Variants in LMNTD1 observed in about 807,000 individuals in gnomAD.
The protein encoded by LMNTD1 is lamin tail domain-containing protein 1.
Under a neutral mutation model 50.9 loss-of-function variants are expected in LMNTD1, and 35 were observed. That is an observed-to-expected ratio of 0.69 (90% CI 0.53 to 0.91). The LOEUF is 0.91. Ranked by LOEUF, LMNTD1 falls within the 40% of genes least tolerant of loss-of-function variation. The pLI is 0.00. For missense variants in LMNTD1, 470 were observed against 475.5 expected, an observed-to-expected ratio of 0.99 and a Z score of 0.11; for synonymous variants, 153 against 161.9, an observed-to-expected ratio of 0.94 and a Z score of 0.42.
intron 1 of LMNTD1, among the ~76,000 whole-genome samples, chr12:25,640,523 A>C (rs900121824): frequency 6.6e-6 from 1 of 152,056 alleles, no homozygotes; most frequent in African/African-American, 2.4e-5. Flanking sequence ...AAAAAATCTA[A>C]AATTATATTG....
chr12:25,522,778 C>A (rs1263985615), intron 6 of LMNTD1, among the ~76,000 whole-genome samples: 1 of 151,646 alleles, frequency 6.6e-6, no homozygotes, highest in East Asian at 1.9e-4. Flanking sequence ...CAAACCTGTC[C>A]CTGCTTTAAA....
intron 1 of LMNTD1, among the ~76,000 whole-genome samples, chr12:25,608,483 T>C (rs1231926536): frequency 6.6e-6 from 1 of 152,226 alleles, no homozygotes; most frequent in Non-Finnish European, 1.5e-5. Context: ...GTTGTTCTTT[T>C]CCATGTTTAG....
intron 1 of LMNTD1, among the ~76,000 whole-genome samples, chr12:25,577,006 G>A (rs1403284102): frequency 6.6e-6 from 1 of 152,124 alleles, no homozygotes; most frequent in African/African-American, 2.4e-5. Context: ...GGCTGTAGAT[G>A]TGTAGTATTA....
chr12:25,518,046 A>G (rs565643186), intron 8 of LMNTD1, among the ~76,000 whole-genome samples: 1 of 152,234 alleles, frequency 6.6e-6, no homozygotes, highest in Admixed American at 6.5e-5. Flanking sequence ...ATCTCGCTTA[A>G]GATTTCATTT....
At chr12:25,533,047 G>A (rs533413041) in intron 4 of LMNTD1, among the ~76,000 whole-genome samples, 2 of 152,204 alleles carry the variant, frequency 1.3e-5, no homozygotes, top group East Asian at 3.9e-4. Context: ...TACAAGCAAA[G>A]TGCTTATTTA....
intron 1 of LMNTD1, among the ~76,000 whole-genome samples, chr12:25,560,257 A>C (rs1310631007): frequency 2.0e-5 from 3 of 152,350 alleles, no homozygotes; most frequent in African/African-American, 7.2e-5. Context: ...AGCTTTCTAC[A>C]TATGGCCAGC....
chr12:25,502,467 G>A (rs1170520319), intron 9 of LMNTD1, among the ~76,000 whole-genome samples: 1 of 152,154 alleles, frequency 6.6e-6, no homozygotes, highest in East Asian at 1.9e-4. Flanking sequence ...CGGGAGCAAG[G>A]ACTATATTAC....
chr12:25,519,586 T>TAAAAAAAAAAAAAAAAGA, intron 7 of LMNTD1, among the ~76,000 whole-genome samples: 1 of 74,940 alleles, frequency 1.3e-5, no homozygotes, highest in African/African-American at 6.5e-5. Flanking sequence ...AGACTCTGTC[T>TAAAAAAAAAAAAAAAAGA]CAAAAAAAAA....
chr12:25,647,378 G>GCT (rs1565536746), intron 1 of LMNTD1, among the ~76,000 whole-genome samples: 1 of 152,132 alleles, frequency 6.6e-6, no homozygotes, highest in African/African-American at 2.4e-5. Context: ...CTTCCCAGCT[G>GCT]CTCTGAAGGC....
intron 1 of LMNTD1, among the ~76,000 whole-genome samples, chr12:25,593,820 A>T (rs1945773016): frequency 6.6e-6 from 1 of 151,906 alleles, no homozygotes; most frequent in Admixed American, 6.6e-5. Flanking sequence ...AAAAAGAAAG[A>T]TACAAGAAGT....
chr12:25,533,815 G>C (rs1942382957), intron 4 of LMNTD1, among the ~76,000 whole-genome samples: 1 of 152,296 alleles, frequency 6.6e-6, no homozygotes, highest in East Asian at 1.9e-4. Flanking sequence ...AATAAATGGG[G>C]TTTAGTCTGA....
At chr12:25,577,360 T>C (rs1435217601) in intron 1 of LMNTD1, among the ~76,000 whole-genome samples, 1 of 152,194 alleles carries the variant, frequency 6.6e-6, no homozygotes, top group Non-Finnish European at 1.5e-5. Context: ...CCTCTTTTAA[T>C]TCGTTGAGCA....
intron 1 of LMNTD1, among the ~76,000 whole-genome samples, chr12:25,584,260 T>G (rs1297640567): frequency 6.6e-6 from 1 of 152,224 alleles, no homozygotes; most frequent in Non-Finnish European, 1.5e-5. Flanking sequence ...TTTTCTCACT[T>G]AAAGCACAAT....
At chr12:25,573,499 G>C (rs1410899467) in intron 1 of LMNTD1, among the ~76,000 whole-genome samples, 1 of 152,052 alleles carries the variant, frequency 6.6e-6, no homozygotes, top group Non-Finnish European at 1.5e-5. Flanking sequence ...ACTCTAAAAC[G>C]GACAGAGCCC....
intron 4 of LMNTD1, among the ~76,000 whole-genome samples, chr12:25,539,562 C>T (rs561959190): frequency 0.015 from 2,338 of 151,540 alleles, 29 homozygotes; most frequent in African/African-American, 0.033. Context: ...ATCTCTGGGA[C>T]GCATTCAAAG....
intron 1 of LMNTD1, among the ~76,000 whole-genome samples, chr12:25,636,767 T>G (rs192924832): frequency 8.5e-5 from 13 of 152,218 alleles, no homozygotes; most frequent in Admixed American, 5.2e-4. Context: ...ATAAAGAAAC[T>G]GTGGTATATA....
intron 2 of LMNTD1, among the ~76,000 whole-genome samples, chr12:25,550,226 G>A (rs1943671595): frequency 6.6e-6 from 1 of 152,054 alleles, no homozygotes; most frequent in South Asian, 2.1e-4. Flanking sequence ...ATATCTAAAG[G>A]AACATTTGTT....
intron 1 of LMNTD1, among the ~76,000 whole-genome samples, chr12:25,604,242 T>G (rs1299123808): frequency 1.3e-5 from 2 of 152,146 alleles, no homozygotes; most frequent in Admixed American, 1.3e-4. Context: ...CTACCACTTA[T>G]GGCCACATGG....
At chr12:25,627,978 C>T (rs1486995493) in intron 1 of LMNTD1, among the ~76,000 whole-genome samples, 3 of 150,858 alleles carry the variant, frequency 2.0e-5, no homozygotes, top group Non-Finnish European at 4.4e-5. Context: ...CATGGTGGCG[C>T]GCGCCTGTAG....
Sources: allele counts gnomAD v4.1 joint callset (sites outside exome capture counted in the v4.1 genomes callset), GRCh38; gene constraint gnomAD v4.1.1; transcripts MANE v1.5; gene names NCBI Gene and HGNC (gene_info 2026-07-23, HGNC 2026-07-21).